The following MBD5 variants were observed in gnomAD, a reference collection of about 807,000 sequenced individuals.
MBD5 encodes methyl-CpG-binding domain protein 5.
A neutral mutation model predicts 117.3 loss-of-function variants in MBD5; 13 were observed. The observed-to-expected ratio is 0.11, with a 90% CI of 0.07 to 0.18. The LOEUF (loss-of-function observed/expected upper bound fraction) is 0.18, where lower values mean the gene tolerates loss of function less well. Ranked by LOEUF, MBD5 falls within the 10% of genes least tolerant of loss-of-function variation. The probability of loss-of-function intolerance (pLI) is 1.00; values close to 1 mark genes in which losing one functional copy is unlikely to be tolerated. For synonymous variants in MBD5, 727 were observed against 766.4 expected (o/e 0.95, Z 0.85); for missense variants, 1,879 against 2,093.8 (o/e 0.90, Z 2.00).
At chr2:148,078,268 A>G (rs575686626) in intron 1 of MBD5, among the ~76,000 whole-genome samples, 1 of 152,242 alleles carries the variant, frequency 6.6e-6, no homozygotes, top group East Asian at 1.9e-4. Flanking sequence ...GCTGATTATG[A>G]CAGTCAAAAA....
chr2:148,391,474 G>A (rs764257243), intron 4 of MBD5, among the ~76,000 whole-genome samples: 7 of 152,118 alleles, frequency 4.6e-5, no homozygotes, highest in Non-Finnish European at 1.0e-4. Context: ...ATGATTTGAT[G>A]TAATTTATAT....
intron 4 of MBD5, among the ~76,000 whole-genome samples, chr2:148,354,834 G>T (rs1032894312): frequency 2.6e-5 from 4 of 152,252 alleles, no homozygotes; most frequent in Admixed American, 2.6e-4. Flanking sequence ...GTATCTCATT[G>T]TGATTTTGAT....
chr2:148,304,981 C>T (rs1035296823), intron 3 of MBD5, among the ~76,000 whole-genome samples: 5 of 150,968 alleles, frequency 3.3e-5, no homozygotes, highest in African/African-American at 1.2e-4. Context: ...AGGAGAATGG[C>T]GTGAACCCGG....
rs1706848578 is a variant in MBD5, at chr2:148,455,280, T to C, written c.-556-2923T>C. 2.0e-5 allele frequency among the ~76,000 whole-genome samples: 3 copies of C among 152,186 alleles called. No homozygotes were observed. In the South Asian group the frequency reaches 6.2e-4, roughly 32 times the overall value. ...AGTAGCAGCAAAAAAGGGATGATCCTCCCATACTCCATCCCCAAACCCTGG... is the reference window on the plus strand; with the variant it reads ...AGTAGCAGCAAAAAAGGGATGATCCCCCCATACTCCATCCCCAAACCCTGG... On this transcript the variant is annotated intron_variant, in intron 4 of 13. Transcript: ENST00000642680.
intron 2 of MBD5, among the ~76,000 whole-genome samples, chr2:148,195,310 G>T (rs1271028514): frequency 2.0e-5 from 3 of 152,148 alleles, no homozygotes; most frequent in African/African-American, 4.8e-5. Context: ...TGTTTTAACA[G>T]AGATAAAGAG....
intron 3 of MBD5, among the ~76,000 whole-genome samples, chr2:148,272,726 C>A (rs1408189451): frequency 2.6e-5 from 4 of 152,126 alleles, no homozygotes; most frequent in African/African-American, 9.7e-5. Context: ...TTCTTCCATT[C>A]TATAGATTGT....
At chr2:148,339,845 AT>A (rs1702892775) in intron 3 of MBD5, among the ~76,000 whole-genome samples, 3 of 152,120 alleles carry the variant, frequency 2.0e-5, no homozygotes, top group African/African-American at 7.2e-5. Context: ...AAGCTTTTTT[AT>A]TTTTATAGAA....
intron 11 of MBD5, among the ~76,000 whole-genome samples, chr2:148,500,944 A>T (rs1681853619): frequency 6.6e-6 from 1 of 152,136 alleles, no homozygotes; most frequent in Non-Finnish European, 1.5e-5. Context: ...CATTTAGCTC[A>T]CTTTAGCTTT....
At chr2:148,115,657 C>T (rs989430654) in intron 1 of MBD5, among the ~76,000 whole-genome samples, 9 of 151,804 alleles carry the variant, frequency 5.9e-5, no homozygotes, top group African/African-American at 2.2e-4. Flanking sequence ...ATTTTGTGAG[C>T]TATACATATT....
Position 148,249,492 on chromosome 2 carries a change from C to A in MBD5, c.-680+16097C>A, listed in dbSNP as rs139752601. Among the ~76,000 whole-genome samples the A allele has an allele frequency of 2.4e-3, 364 of 152,206 alleles. 2 individuals carry two copies. The highest frequency in any genetic ancestry group is 8.3e-3 in the African/African-American group (344 of 41,526). ...CTCCTGAGCTTACTCACTTTCATAT[C>A]TTTTTCTCTACCCCCACACAATTTT... On this transcript the variant is annotated intron_variant, in intron 3 of 13. Coordinates refer to ENST00000642680, the MANE Select transcript of MBD5 (RefSeq NM_001378120.1).
intron 4 of MBD5, among the ~76,000 whole-genome samples, chr2:148,424,176 T>C (rs370422109): frequency 4.6e-5 from 1 of 21,966 alleles, no homozygotes; most frequent in East Asian, 2.3e-3. Flanking sequence ...AGACTCTGTC[T>C]CAAAAAAAAA....
chr2:148,425,099 G>T (rs1705735315), intron 4 of MBD5, among the ~76,000 whole-genome samples: 1 of 152,042 alleles, frequency 6.6e-6, no homozygotes, highest in Non-Finnish European at 1.5e-5. Context: ...CCAGGAGCTG[G>T]TTTTTTGAAA....
At chr2:148,441,158 G>T (rs1388466807) in intron 4 of MBD5, among the ~76,000 whole-genome samples, 6 of 152,034 alleles carry the variant, frequency 3.9e-5, no homozygotes, top group African/African-American at 1.4e-4. Flanking sequence ...ACAATGTGCA[G>T]GTTTGTTACA....
chr2:148,344,520 A>G (rs1180992469), intron 4 of MBD5, among the ~76,000 whole-genome samples: 3 of 151,934 alleles, frequency 2.0e-5, no homozygotes, highest in Non-Finnish European at 4.4e-5. Context: ...CCTTGTAGAC[A>G]GACATCTTTC....
intron 1 of MBD5, among the ~76,000 whole-genome samples, chr2:148,142,911 T>C (rs1697353203): frequency 6.6e-6 from 1 of 152,154 alleles, no homozygotes; most frequent in Middle Eastern, 3.2e-3. Flanking sequence ...GGAGAAATAA[T>C]AGCCATGTTC....
rs1211537197 is a variant in MBD5, at chr2:148,448,524, T to C, written c.-556-9679T>C. Among the ~76,000 whole-genome samples, 6 of 152,124 alleles carry C rather than the reference T, an allele frequency of 3.9e-5. No individual in the cohort carries two copies. The East Asian group carries it at 7.7e-4, about 20-fold the overall frequency. On this transcript the variant is annotated intron_variant, in intron 4 of 13. Coordinates refer to ENST00000642680, the MANE Select transcript of MBD5 (RefSeq NM_001378120.1). ...ACTTTACCTCTGTTTGGTATTGATT[T>C]ATTTATATTTGTTTATATACTTTAT...
intron 4 of MBD5, among the ~76,000 whole-genome samples, chr2:148,388,199 A>G (rs1158410426): frequency 6.6e-6 from 1 of 152,202 alleles, no homozygotes; most frequent in African/African-American, 2.4e-5. Context: ...ACACAAAGGA[A>G]TGGCGAATAT....
chr2:148,116,156 T>C (rs984145062), intron 1 of MBD5, among the ~76,000 whole-genome samples: 2 of 151,988 alleles, frequency 1.3e-5, no homozygotes, highest in Non-Finnish European at 2.9e-5. Context: ...ATTTTCTACA[T>C]TTAAATATTT....
chr2:148,445,730 T>G (rs1389046103), intron 4 of MBD5, among the ~76,000 whole-genome samples: 4 of 151,392 alleles, frequency 2.6e-5, no homozygotes, highest in African/African-American at 4.9e-5. Context: ...CCACAATGGT[T>G]GAACTAGTTT....
Sources: allele counts gnomAD v4.1 joint callset (sites outside exome capture counted in the v4.1 genomes callset), GRCh38; gene constraint gnomAD v4.1.1; transcripts MANE v1.5; gene names NCBI Gene and HGNC (gene_info 2026-07-23, HGNC 2026-07-21).